Variants in TEF observed in about 807,000 individuals in gnomAD.
The protein encoded by TEF is TEF transcription factor, PAR bZIP family member, also known as thyrotroph embryonic factor.
In TEF, 3 loss-of-function variants were observed where a neutral mutation model predicts 20.8. The ratio of observed to expected loss-of-function variants is 0.14; its 90% CI spans 0.07 to 0.37. TEF has a LOEUF of 0.37. TEF is among the 10% of genes least tolerant of loss of function. The pLI is 1.00. For synonymous variants in TEF, 180 were observed against 171.1 expected (o/e 1.05, Z -0.41); for missense variants, 296 against 397.9 (o/e 0.74, Z 2.18).
Position 41,367,540 on chromosome 22 carries a change from TG to T in TEF, c.9del (p.Met3IlefsTer93). 1.9e-6 allele frequency: 3 copies of T among 1,551,276 alleles called. No individual in the cohort carries two copies. The highest frequency in any genetic ancestry group is 2.6e-6 in the Non-Finnish European group (3 of 1,146,876). ...TTCTCAGTGGCCCCTGCCATGGACA[TG>T]CCTGAGGTCCTCAAGTCCCTGCTGG... is the stretch of plus-strand genomic sequence containing the variant. On this transcript the variant is annotated frameshift_variant, in exon 1 of 4. Coordinates refer to the TEF transcript ENST00000406644. LOFTEE classifies it high-confidence loss of function.
At position 41,382,185 on chromosome 22, in the gene TEF, G is replaced by A. The variant is rs759039358; in HGVS notation, c.141G>A (p.Pro47=). Residue 47 remains proline (P), a synonymous_variant, in exon 1 of 4, where the codon CCG becomes CCA. Transcript: ENST00000266304. The part of the protein sequence containing the change: ...LVLKKLMENP[P]REARLDKEKG... ...TGAAGAAGCTGATGGAGAACCCCCC[G>A]CGCGAGGCGCGCCTCGGTGAGGGCG... The A allele has an allele frequency of 1.9e-5, 23 of 1,237,398 alleles. No homozygotes were observed. Among genetic ancestry groups the A allele is most frequent in the Non-Finnish European group, 1.4e-5 (14 of 991,226 alleles). The allele number at this position is 1,237,398 out of a possible 1,614,324, so 76.7% of individuals were successfully genotyped here. A position where few individuals can be genotyped will look rare whatever the true frequency, so the allele number is the denominator to read the frequency against.
At chr22:41,376,350 T>G (rs1838841625) in intron 1 of TEF, among the ~76,000 whole-genome samples, 1 of 152,184 alleles carries the variant, frequency 6.6e-6, no homozygotes, top group Non-Finnish European at 1.5e-5. Context: ...GATTCTCCTG[T>G]CTCAGCCTCC....
chr22:41,389,169 G>C (rs572846646), intron 2 of TEF, among the ~76,000 whole-genome samples: 1 of 152,130 alleles, frequency 6.6e-6, no homozygotes, highest in Non-Finnish European at 1.5e-5. Context: ...GGGAGGCCGA[G>C]GTGGGTGGAT....
chr22:41,396,741 G>C lies in TEF; in HGVS notation c.*781G>C, dbSNP rs2037233839. 1 of 392,800 alleles carries C rather than the reference G, an allele frequency of 2.5e-6. No homozygotes were observed. The highest frequency in any genetic ancestry group is 2.1e-5 in the African/African-American group (1 of 48,522). The allele number at this position is 392,800 out of a possible 1,614,324, so 24.3% of individuals were successfully genotyped here. A position where few individuals can be genotyped will look rare whatever the true frequency, so the allele number is the denominator to read the frequency against. ...GAGAGGCCTCTTCATTTCCTCTCCA[G>C]GCTACTCAGAGGCCATGTGAAGCTC... On this transcript the variant is annotated 3_prime_UTR_variant, in exon 4 of 4. Transcript: ENST00000266304.
intron 1 of TEF, among the ~76,000 whole-genome samples, chr22:41,382,507 G>C (rs1018816836): frequency 5.3e-5 from 8 of 152,140 alleles, no homozygotes; most frequent in African/African-American, 1.9e-4. Context: ...CTGCATCGGA[G>C]TCACTCGGGA....
intron 1 of TEF, among the ~76,000 whole-genome samples, chr22:41,375,859 G>T (rs1364274954): frequency 6.6e-6 from 1 of 151,968 alleles, no homozygotes; most frequent in Non-Finnish European, 1.5e-5. Context: ...TCAAAAAAGA[G>T]AAAAAAGTAT....
chr22:41,379,911 A>AAAAAG (rs201242427), upstream of TEF, among the ~76,000 whole-genome samples: 4 of 126,044 alleles, frequency 3.2e-5, no homozygotes, highest in African/African-American at 1.0e-4. Context: ...AAAAAAAGAA[A>AAAAAG]AAAAGAAAAG....
At chr22:41,378,590 C>T (rs369103416), upstream of TEF, among the ~76,000 whole-genome samples, 75 of 152,142 alleles carry the variant, frequency 4.9e-4, no homozygotes, top group African/African-American at 1.7e-3. Flanking sequence ...GTGATCCTCC[C>T]GGCTCGGCCT....
intron 3 of TEF, 83 bp downstream of exon 3, chr22:41,394,399 T>C (rs1327616725): frequency 7.6e-7 from 1 of 1,322,108 alleles, no homozygotes; most frequent in East Asian, 2.5e-5. Context: ...TGATTTTATC[T>C]GGAGAGCCTT....
rs1007863104 is a variant in TEF, at chr22:41,382,010, G to A, written c.-35G>A. On this transcript the variant is annotated 5_prime_UTR_variant, in exon 1 of 4. Coordinates refer to ENST00000266304, the MANE Select transcript of TEF (RefSeq NM_003216.4). The stretch of plus-strand genomic sequence containing the variant: ...CCGGCCCATCTCGGGGGGCGGGCGG[G>A]GGAGGCGAGGTGCGCGAGCCGAGTC... The A allele has an allele frequency of 3.3e-6, 4 of 1,229,882 alleles. No homozygotes were observed. In the African/African-American group the frequency reaches 6.2e-5, roughly 19 times the overall value. The allele number at this position is 1,229,882 out of a possible 1,614,324, so 76.2% of individuals were successfully genotyped here. A position where few individuals can be genotyped will look rare whatever the true frequency, so the allele number is the denominator to read the frequency against.
chr22:41,382,334 C>T (rs2037041981), intron 1 of TEF, 133 bp downstream of exon 1: 2 of 829,624 alleles, frequency 2.4e-6, no homozygotes, highest in South Asian at 5.8e-5. Context: ...GCCTGGATGA[C>T]CAGGAGCCTG....
chr22:41,384,483 C>T lies in TEF; in HGVS notation c.157+2282C>T, dbSNP rs181351204. Among the ~76,000 whole-genome samples the T allele has an allele frequency of 2.7e-4, 41 of 152,316 alleles. No homozygotes were observed. In the East Asian group the frequency reaches 6.5e-3, roughly 24 times the overall value. On this transcript the variant is annotated intron_variant, in intron 1 of 3. Coordinates refer to ENST00000266304, the MANE Select transcript of TEF (RefSeq NM_003216.4). ...TCCTTCCTCCCAGAAAACCTGCCTT[C>T]AGTCTTTTCTGCTTATTCAGGAATA...
chr22:41,383,394 T>G (rs2037059182), intron 1 of TEF, among the ~76,000 whole-genome samples: 1 of 152,164 alleles, frequency 6.6e-6, no homozygotes, highest in Non-Finnish European at 1.5e-5. Context: ...CAGGGACAGG[T>G]GTACACATCT....
intron 1 of TEF, among the ~76,000 whole-genome samples, chr22:41,385,355 C>G (rs1339859048): frequency 6.6e-6 from 1 of 151,926 alleles, no homozygotes; most frequent in African/African-American, 2.4e-5. Context: ...AGCGAAACTC[C>G]TTCTCATAAA....
chr22:41,389,009 A>T (rs1449013485), intron 2 of TEF, among the ~76,000 whole-genome samples: 8 of 152,192 alleles, frequency 5.3e-5, no homozygotes, highest in Admixed American at 4.6e-4. Context: ...CTAAAATATA[A>T]GGGTTCTTTT....
chr22:41,376,223 TTTTG>T (rs1422401941), intron 1 of TEF, among the ~76,000 whole-genome samples: 1 of 152,188 alleles, frequency 6.6e-6, no homozygotes, highest in Non-Finnish European at 1.5e-5. Context: ...TGAACGAAGT[TTTTG>T]TTCTGTTTTT....
Position 41,394,231 on chromosome 22 carries a change from G to A in TEF, c.611G>A (p.Arg204Gln), listed in dbSNP as rs912611835. Reference protein sequence around the residue: ...SVPGGELFNPRKHKFAEEDLK... With the variant: ...SVPGGELFNPQKHKFAEEDLK... The stretch of plus-strand genomic sequence containing the variant: ...CCAGGCGGGGAGCTCTTCAACCCTC[G>A]GAAGCACAAGTTTGCTGAGGAGGAC... Residue 204 changes from arginine (R) to glutamine (Q), a missense_variant, in exon 3 of 4, where the codon CGG becomes CAG. This residue lies in a region of TEF where 194 missense variants were observed against 317.8 expected (regional missense o/e 0.61). Transcript: ENST00000266304. 5 of 1,614,094 alleles carry A rather than the reference G, an allele frequency of 3.1e-6. No individual in the cohort carries two copies. Among genetic ancestry groups the A allele is most frequent in the Non-Finnish European group, 3.4e-6 (4 of 1,180,028 alleles).
chr22:41,382,333 A>C, intron 1 of TEF, 132 bp downstream of exon 1: 1 of 801,270 alleles, frequency 1.2e-6, no homozygotes, highest in Non-Finnish European at 1.7e-6. Flanking sequence ...GGCCTGGATG[A>C]CCAGGAGCCT....
Position 41,381,952 on chromosome 22 carries a change from C to T in TEF, c.-93C>T, listed in dbSNP as rs959730975. 1.6e-5 allele frequency: 20 copies of T among 1,226,876 alleles called. No homozygotes were observed. In the African/African-American group the frequency reaches 2.3e-4, roughly 14 times the overall value. The allele number at this position is 1,226,876 out of a possible 1,614,324, so 76.0% of individuals were successfully genotyped here. ...CCATTGGGCGCCTGCGCAGTAGCTG[C>T]CCGTGTCGGCAGCTGCAGCGGGTCG... On this transcript the variant is annotated 5_prime_UTR_variant, in exon 1 of 4. Transcript: ENST00000266304.
Sources: allele counts gnomAD v4.1 joint callset (sites outside exome capture counted in the v4.1 genomes callset), GRCh38; gene constraint gnomAD v4.1.1; regional missense constraint gnomAD v4.1.1; transcripts MANE v1.5; gene names NCBI Gene and HGNC (gene_info 2026-07-23, HGNC 2026-07-21).